SAMMSON: variants seen among roughly 807,000 people sequenced by gnomAD.
The protein encoded by SAMMSON is survival associated mitochondrial melanoma specific oncogenic non-coding RNA, also known as long intergenic non-protein coding RNA 1212.
chr3:70,143,529 C>T (rs182227276), intron 4 of SAMMSON, among the ~76,000 whole-genome samples: 168 of 152,260 alleles, frequency 1.1e-3, no homozygotes, highest in Non-Finnish European at 2.1e-4. Flanking sequence ...CTACCCTGTT[C>T]CTGGCTCCAG....
intron 6 of SAMMSON, among the ~76,000 whole-genome samples, chr3:70,276,626 T>C (rs1461273490): frequency 6.6e-6 from 1 of 152,244 alleles, no homozygotes; most frequent in African/African-American, 2.4e-5. Flanking sequence ...TACCTTCTAA[T>C]AATCTAAGGT....
chr3:70,348,834 C>A (rs12490035), intron 7 of SAMMSON, among the ~76,000 whole-genome samples: 89,561 of 151,724 alleles, frequency 0.59, 26,959 homozygotes, highest in Middle Eastern at 0.66. Flanking sequence ...GGGAGCTCTG[C>A]GAGGGTTTTG....
At chr3:70,380,264 A>G (rs1703054425) in intron 9 of SAMMSON, among the ~76,000 whole-genome samples, 1 of 152,152 alleles carries the variant, frequency 6.6e-6, no homozygotes, top group Non-Finnish European at 1.5e-5. Context: ...AAGTATGTTT[A>G]TGTAGGATAA....
chr3:70,226,692 C>A (rs1057020592), intron 4 of SAMMSON, among the ~76,000 whole-genome samples: 1 of 146,778 alleles, frequency 6.8e-6, no homozygotes, highest in South Asian at 2.2e-4. Context: ...GAGCCGATAT[C>A]GTGCCACTCC....
intron 7 of SAMMSON, among the ~76,000 whole-genome samples, chr3:70,342,591 A>G (rs1172091884): frequency 6.6e-6 from 1 of 152,158 alleles, no homozygotes; most frequent in African/African-American, 2.4e-5. Flanking sequence ...GCTAACTGCG[A>G]GCTACATTTT....
chr3:70,199,959 A>C (rs902626036), intron 4 of SAMMSON, among the ~76,000 whole-genome samples: 6 of 152,168 alleles, frequency 3.9e-5, no homozygotes, highest in African/African-American at 1.4e-4. Context: ...CAGTCCTACA[A>C]ATCTGTTCCT....
At chr3:70,336,152 C>T (rs577296569) in intron 7 of SAMMSON, among the ~76,000 whole-genome samples, 1 of 152,082 alleles carries the variant, frequency 6.6e-6, no homozygotes, top group East Asian at 1.9e-4. Flanking sequence ...TTAGACATCT[C>T]CTAAGCTTGC....
intron 6 of SAMMSON, among the ~76,000 whole-genome samples, chr3:70,261,175 G>A (rs1267410367): frequency 6.6e-6 from 1 of 152,160 alleles, no homozygotes; most frequent in South Asian, 2.1e-4. Flanking sequence ...CTTATGCATT[G>A]CTTGAAATTT....
At chr3:70,376,478 T>C (rs919503143) in intron 9 of SAMMSON, among the ~76,000 whole-genome samples, 5 of 152,194 alleles carry the variant, frequency 3.3e-5, no homozygotes, top group African/African-American at 1.2e-4. Context: ...GAAAGAATCA[T>C]TGTACACATA....
rs1295777061 is a variant in SAMMSON, at chr3:70,279,162, C to T, written n.675-12017C>T. ...CATGCAATCATGACAACAATAAGTG[C>T]CATTCCATATTTTTATTTAGCAAGT... On this transcript the variant is annotated intron_variant and non_coding_transcript_variant, in intron 6 of 9. Coordinates refer to ENST00000642114, the Ensembl canonical transcript of SAMMSON. Among the ~76,000 whole-genome samples the T allele has an allele frequency of 2.0e-5, 3 of 151,026 alleles. No homozygotes were observed. The East Asian group carries it at 5.8e-4, about 29-fold the overall frequency.
intron 4 of SAMMSON, among the ~76,000 whole-genome samples, chr3:70,229,994 A>C (rs564551958): frequency 4.6e-5 from 7 of 152,324 alleles, no homozygotes; most frequent in Admixed American, 1.3e-4. Flanking sequence ...TGTACAAAGT[A>C]TAATATATTA....
chr3:70,277,464 G>A (rs979239997), intron 6 of SAMMSON, among the ~76,000 whole-genome samples: 22 of 152,108 alleles, frequency 1.4e-4, no homozygotes, highest in African/African-American at 4.8e-4. Context: ...TATAATGACG[G>A]CTCTTGATTC....
intron 2 of SAMMSON, among the ~76,000 whole-genome samples, chr3:70,434,511 GTTTTTTGTTGATTGGGA>G (rs1701443266): frequency 6.6e-6 from 1 of 152,094 alleles, no homozygotes; most frequent in Non-Finnish European, 1.5e-5. Context: ...GTTCCAGGAA[GTTTTTTGTTGATTGGGA>G]TTTTCTATAT....
intron 4 of SAMMSON, among the ~76,000 whole-genome samples, chr3:70,114,383 C>T (rs1268896316): frequency 6.6e-6 from 1 of 152,168 alleles, no homozygotes; most frequent in Non-Finnish European, 1.5e-5. Flanking sequence ...GTTTCTTCCT[C>T]AACGAAATCT....
At chr3:70,311,789 G>C (rs1702455771) in intron 7 of SAMMSON, 1 of 389,952 alleles carries the variant, frequency 2.6e-6, no homozygotes, top group South Asian at 1.4e-4. Flanking sequence ...CTATTTGAAC[G>C]GTCAGGACAA....
chr3:70,427,019 A>C (rs1335736944), intron 2 of SAMMSON, among the ~76,000 whole-genome samples: 2 of 152,230 alleles, frequency 1.3e-5, no homozygotes, highest in African/African-American at 4.8e-5. Flanking sequence ...AGATATTGAT[A>C]GTTTGTGAAT....
At chr3:70,098,365 C>CT (rs1559790606) in intron 4 of SAMMSON, among the ~76,000 whole-genome samples, 1 of 151,936 alleles carries the variant, frequency 6.6e-6, no homozygotes. Context: ...CTCTCTTTTT[C>CT]TTTTTTCTTT....
intron 3 of SAMMSON, among the ~76,000 whole-genome samples, chr3:70,064,202 T>C (rs182573086): frequency 1.3e-5 from 2 of 152,240 alleles, no homozygotes; most frequent in East Asian, 3.9e-4. Flanking sequence ...TAAAACAGAG[T>C]TCCAGTGCCT....
intron 7 of SAMMSON, among the ~76,000 whole-genome samples, chr3:70,315,531 C>G (rs944388732): frequency 6.6e-6 from 1 of 152,088 alleles, no homozygotes; most frequent in African/African-American, 2.4e-5. Flanking sequence ...AGTACTTTTT[C>G]CTGGATCAAC....
Sources: gnomAD v4.1 joint callset for allele counts (sites outside exome capture counted in the v4.1 genomes callset) on GRCh38, gnomAD v4.1.1 for gene constraint, MANE v1.5 for transcripts, NCBI Gene and HGNC (gene_info 2026-07-23, HGNC 2026-07-21) for gene names.